Variants in IRS2 observed in about 807,000 individuals in gnomAD.
The protein encoded by IRS2 is insulin receptor substrate 2.
A neutral mutation model predicts 70.9 loss-of-function variants in IRS2; 28 were observed. The ratio of observed to expected loss-of-function variants is 0.39; its 90% CI spans 0.29 to 0.54. The LOEUF (loss-of-function observed/expected upper bound fraction) is 0.54. Among genes scored for constraint, IRS2 ranks in the 20% least tolerant of loss-of-function variants. The pLI, the probability that IRS2 is intolerant of heterozygous loss-of-function variation, is 0.59. For synonymous variants in IRS2, 1,217 were observed against 981.9 expected (o/e 1.24, Z -4.48); for missense variants, 2,081 against 2,024.1 (o/e 1.03, Z -0.54).
intron 1 of IRS2, among the ~76,000 whole-genome samples, chr13:109,767,874 A>G (rs1358823743): frequency 6.6e-6 from 1 of 151,958 alleles, no homozygotes; most frequent in Non-Finnish European, 1.5e-5. Context: ...CTGGGACTAC[A>G]GGCATGCGCC....
chr13:109,757,236 T>C (rs535016889), intron 1 of IRS2, among the ~76,000 whole-genome samples: 1 of 152,334 alleles, frequency 6.6e-6, no homozygotes, highest in South Asian at 2.1e-4. Context: ...TTCTTGGCTT[T>C]TTAACCAAAA....
At position 109,784,032 on chromosome 13, in the gene IRS2, G is replaced by A. The variant is rs372717883; in HGVS notation, c.2022C>T (p.Asp674=). The A allele has an allele frequency of 5.8e-6, 9 of 1,540,708 alleles. No individual in the cohort carries two copies. The highest frequency in any genetic ancestry group is 4.1e-5 in the African/African-American group (3 of 73,330). The part of the protein sequence containing the change: ...GSGSGSCRSD[D]YMPMSPASVS... ...CGCTGGCGGGGCTCATGGGCATGTA[G>A]TCGTCGCTCCTGCAGCTGCCGCTCC... The change falls in exon 1 of 2, where the codon GAC becomes GAT. Residue 674 remains aspartate (D), a synonymous_variant. Coordinates refer to ENST00000375856, the MANE Select transcript of IRS2 (RefSeq NM_003749.3). This position sits in a 1 kb window ranked among gnomAD's most constrained non-coding sequence, Gnocchi z 5.2.
intron 1 of IRS2, among the ~76,000 whole-genome samples, chr13:109,781,452 C>G (rs1181596404): frequency 1.3e-5 from 2 of 152,218 alleles, no homozygotes; most frequent in Non-Finnish European, 2.9e-5. Context: ...AAAACAATGC[C>G]TCTGATGGAA....
chr13:109,784,923 GGCCGCCGCTCCC>G lies in IRS2; in HGVS notation c.1119_1130del (p.Gly374_Ala377del), dbSNP rs1461966933. 26 of 1,052,692 alleles carry G rather than the reference GGCCGCCGCTCCC, an allele frequency of 2.5e-5. No homozygotes were observed. The highest frequency in any genetic ancestry group is 4.3e-4 in the Middle Eastern group (1 of 2,300). 65.2% of individuals were successfully genotyped at this position (1,052,692 alleles called of 1,614,324 possible). ...CCACCGACACCGGCCTGGCGCCCGC[GGCCGCCGCTCCC>G]GCCGCCGCGCCGCCGTCGCCCTCGC... On this transcript the variant is annotated inframe_deletion, in exon 1 of 2. Coordinates refer to ENST00000375856, the MANE Select transcript of IRS2 (RefSeq NM_003749.3). The surrounding 1 kb of genome is among the most constrained non-coding windows in gnomAD (Gnocchi z 5.2).
rs772303705 is a variant in IRS2, at chr13:109,782,214, G to A, written c.3840C>T (p.Asp1280=). The A allele has an allele frequency of 3.7e-6, 6 of 1,607,420 alleles. No individual in the cohort carries two copies. The East Asian group carries it at 1.1e-4, about 30-fold the overall frequency. The stretch of plus-strand genomic sequence containing the variant: ...TTCGGGTCCGGCCCCAGGAGCTCTT[G>A]TCTCCCGGCTGAGGAAGCGGCGGCG... ...PPPPPLPQPG[D]KSSWGRTRSL... is the part of the protein sequence containing the mutation. The change falls in exon 1 of 2, where the codon GAC becomes GAT. Residue 1280 remains aspartate (D), a synonymous_variant. Coordinates refer to ENST00000375856, the MANE Select transcript of IRS2 (RefSeq NM_003749.3).
At chr13:109,772,298 C>A (rs1396565329) in intron 1 of IRS2, among the ~76,000 whole-genome samples, 2 of 152,210 alleles carry the variant, frequency 1.3e-5, no homozygotes, top group African/African-American at 4.8e-5. Context: ...GGCAAAAGTT[C>A]CCAGAGGCAC....
rs1031812964 is a variant in IRS2, at chr13:109,782,574, G to A, written c.3480C>T (p.Pro1160=). 3.8e-6 allele frequency: 6 copies of A among 1,570,842 alleles called. No individual in the cohort carries two copies. In the African/African-American group the frequency reaches 5.4e-5, roughly 14 times the overall value. ...GGTTGTGGGCGAAGGACGGGGACAC[G>A]GGGGTGACCGTCGTGGTGGAGGAGA... The part of the protein sequence containing the change: ...ETFSSTTTVT[P]VSPSFAHNPK... The change falls in exon 1 of 2, where the codon CCC becomes CCT. Residue 1160 remains proline (P), a synonymous_variant. Coordinates refer to ENST00000375856, the MANE Select transcript of IRS2 (RefSeq NM_003749.3).
chr13:109,783,991 T>A lies in IRS2; in HGVS notation c.2063A>T (p.Gln688Leu). The A allele has an allele frequency of 6.5e-7, 1 of 1,530,108 alleles. No homozygotes were observed. The highest frequency in any genetic ancestry group is 8.7e-7 in the Non-Finnish European group (1 of 1,143,130). The allele number at this position is 1,530,108 out of a possible 1,614,324, so 94.8% of individuals were successfully genotyped here. The change falls in exon 1 of 2, where the codon CAG becomes CTG. Residue 688 changes from glutamine to leucine, a missense_variant. Gln to Leu is a moderately radical substitution (Grantham distance 113, BLOSUM62 -2). Transcript: ENST00000375856. ...GGCGGCGGCCCTGGGCTGCAAGATC[T>A]GCTTGGGGGCGGACACGCTGGCGGG... ...MSPASVSAPKQILQPRAAAAA... is the reference protein window; with the variant it reads ...MSPASVSAPKLILQPRAAAAA...
intron 1 of IRS2, among the ~76,000 whole-genome samples, chr13:109,780,014 C>T (rs938027296): frequency 4.6e-5 from 7 of 152,144 alleles, no homozygotes; most frequent in African/African-American, 1.7e-4. Flanking sequence ...TCATCAGAAA[C>T]GCCTTGCGTC....
chr13:109,783,623 T>C lies in IRS2; in HGVS notation c.2431A>G (p.Lys811Glu). 1 of 1,549,584 alleles carries C rather than the reference T, an allele frequency of 6.5e-7. No homozygotes were observed. The highest frequency in any genetic ancestry group is 8.7e-7 in the Non-Finnish European group (1 of 1,145,396). Reference protein sequence around the residue: ...CCYSSLPRSYKAPYTCGGDSD... With the variant: ...CCYSSLPRSYEAPYTCGGDSD... Reference sequence around the variant, plus strand: ...TCCCCGCCACAGGTGTAGGGGGCCTTGTAGGAGCGGGGCAAGGAGCTGTAG... The same window carrying C: ...TCCCCGCCACAGGTGTAGGGGGCCTCGTAGGAGCGGGGCAAGGAGCTGTAG... Residue 811 changes from lysine to glutamate, a missense_variant, in exon 1 of 2, where the codon AAG becomes GAG. Physicochemically the swap from Lys to Glu is moderately conservative, Grantham distance 56 (BLOSUM62 1). Coordinates refer to ENST00000375856, the MANE Select transcript of IRS2 (RefSeq NM_003749.3).
intron 1 of IRS2, among the ~76,000 whole-genome samples, chr13:109,770,605 C>T (rs1328067686): frequency 6.6e-6 from 1 of 152,152 alleles, no homozygotes; most frequent in Non-Finnish European, 1.5e-5. Context: ...AGAGACATCC[C>T]GTGAAACATC....
chr13:109,785,750 T>C lies in IRS2; in HGVS notation c.304A>G (p.Asn102Asp). 1 of 1,596,206 alleles carries C rather than the reference T, an allele frequency of 6.3e-7. No individual in the cohort carries two copies. The change falls in exon 1 of 2, where the codon AAC (asparagine) becomes GAC (aspartate). Residue 102 changes from asparagine to aspartate, a missense_variant. Physicochemically the swap from Asn to Asp is conservative, Grantham distance 23. Coordinates refer to ENST00000375856, the MANE Select transcript of IRS2 (RefSeq NM_003749.3). The surrounding 1 kb of genome is among the most constrained non-coding windows in gnomAD (Gnocchi z 9.3). The stretch of plus-strand genomic sequence containing the variant: ...TTGTGCTTGGCGTCGGCGCGCTTGT[T>C]GATGTTCAGGCAGCAGTCGAGAGCG... Reference protein sequence around the residue: ...VIALDCCLNINKRADAKHKYL... With the variant: ...VIALDCCLNIDKRADAKHKYL...
At position 109,784,695 on chromosome 13, in the gene IRS2, G is replaced by A. The variant is rs2138936592; in HGVS notation, c.1359C>T (p.Gly453=). 2 of 1,234,434 alleles carry A rather than the reference G, an allele frequency of 1.6e-6. No individual in the cohort carries two copies. The highest frequency in any genetic ancestry group is 3.3e-5 in the East Asian group (1 of 30,578). The allele number at this position is 1,234,434 out of a possible 1,614,324, so 76.5% of individuals were successfully genotyped here. ...GCGGCGGGTAGGAGCCCGAGCCGTG[G>A]CCGCTGCTGGACGACAGGGAGCCGG... ...TSPGSLSSSS[G]HGSGSYPPPP... The change falls in exon 1 of 2, where the codon GGC becomes GGT. Residue 453 remains glycine (G), a synonymous_variant. Coordinates refer to ENST00000375856, the MANE Select transcript of IRS2 (RefSeq NM_003749.3). This position sits in a 1 kb window ranked among gnomAD's most constrained non-coding sequence, Gnocchi z 5.2.
In IRS2 at chr13:109,783,509, G is replaced by C; in HGVS notation, c.2545C>G (p.Gln849Glu). 1 of 1,547,582 alleles carries C rather than the reference G, an allele frequency of 6.5e-7. No individual in the cohort carries two copies. Among genetic ancestry groups the C allele is most frequent in the Non-Finnish European group, 8.7e-7 (1 of 1,146,144 alleles). Residue 849 changes from glutamine to glutamate, a missense_variant, in exon 1 of 2, where the codon CAG becomes GAG. Transcript: ENST00000375856. ...LEPQATPGPS[Q>E]AASAFGAGPT... Reference sequence around the variant, plus strand: ...CCGGCCCCGAAGGCGCTGGCCGCCTGGCTGGGCCCTGGCGTGGCCTGAGGC... The same window carrying C: ...CCGGCCCCGAAGGCGCTGGCCGCCTCGCTGGGCCCTGGCGTGGCCTGAGGC...
intron 1 of IRS2, among the ~76,000 whole-genome samples, chr13:109,767,349 G>C (rs1044114533): frequency 1.3e-5 from 2 of 152,120 alleles, no homozygotes; most frequent in African/African-American, 4.8e-5. Flanking sequence ...AGGTGTGGAA[G>C]GAGAAAATAC....
intron 1 of IRS2, among the ~76,000 whole-genome samples, chr13:109,779,581 A>C (rs917509326): frequency 3.3e-5 from 5 of 152,330 alleles, no homozygotes; most frequent in Non-Finnish European, 7.4e-5. Context: ...CTAAGGTGAC[A>C]CTAGCCTTTC....
intron 1 of IRS2, 72 bp downstream of exon 1, chr13:109,781,970 T>G: frequency 6.5e-7 from 1 of 1,546,142 alleles, no homozygotes; most frequent in Non-Finnish European, 8.8e-7. Context: ...GTGGGAGCAG[T>G]GAAACCCAAG....
chr13:109,785,060 G>A lies in IRS2; in HGVS notation c.994C>T (p.Pro332Ser), dbSNP rs2138937368. The A allele has an allele frequency of 3.2e-6, 5 of 1,564,690 alleles. No individual in the cohort carries two copies. Among genetic ancestry groups the A allele is most frequent in the African/African-American group, 1.3e-5 (1 of 74,158 alleles). ...ARRHHHLVNLPPSQTGLVRRS... is the reference protein window; with the variant it reads ...ARRHHHLVNLSPSQTGLVRRS... ...CGCACCAGGCCCGTCTGGCTGGGGG[G>A]CAGGTTGACCAGGTGGTGGTGGCGG... Residue 332 changes from proline to serine, a missense_variant, in exon 1 of 2, where the codon CCC becomes TCC. Around this residue, in one of 4 missense-constraint regions of IRS2, gnomAD observed 111 missense variants for 133.1 expected, o/e 0.83. Coordinates refer to ENST00000375856, the MANE Select transcript of IRS2 (RefSeq NM_003749.3). This position sits in a 1 kb window ranked among gnomAD's most constrained non-coding sequence, Gnocchi z 9.3.
chr13:109,781,648 C>T (rs895440436), intron 1 of IRS2, among the ~76,000 whole-genome samples: 5 of 152,154 alleles, frequency 3.3e-5, no homozygotes, highest in Non-Finnish European at 2.9e-5. Context: ...GCGGTCCGGA[C>T]CCGAGGTCCT....
Sources: allele counts gnomAD v4.1 joint callset (sites outside exome capture counted in the v4.1 genomes callset), GRCh38; gene constraint gnomAD v4.1.1; regional missense constraint gnomAD v4.1.1; non-coding constraint Gnocchi (gnomAD v3.1); transcripts MANE v1.5; gene names NCBI Gene and HGNC (gene_info 2026-07-23, HGNC 2026-07-21).